MALRD1: variants seen among roughly 807,000 people sequenced by gnomAD.
MALRD1 encodes MAM and LDL receptor class A domain containing 1.
In MALRD1, 247 loss-of-function variants were observed where a neutral mutation model predicts 242.1. The observed-to-expected ratio is 1.02, with a 90% CI of 0.92 to 1.13. MALRD1 has a LOEUF of 1.13. MALRD1 is among the 50% of genes most tolerant of loss of function. The pLI is 0.00. For missense variants in MALRD1, 2,989 were observed against 2,533.1 expected, an observed-to-expected ratio of 1.18 and a Z score of -3.86; for synonymous variants, 995 against 866.6, an observed-to-expected ratio of 1.15 and a Z score of -2.60.
At chr10:19,420,808 A>C (rs938188261) in intron 28 of MALRD1, among the ~76,000 whole-genome samples, 3 of 152,330 alleles carry the variant, frequency 2.0e-5, no homozygotes, top group East Asian at 3.9e-4. Context: ...TAGCAACGTC[A>C]TCAGAGGCTC....
chr10:19,199,235 T>C (rs1159653432), intron 14 of MALRD1, among the ~76,000 whole-genome samples: 1 of 152,216 alleles, frequency 6.6e-6, no homozygotes, highest in Admixed American at 6.5e-5. Flanking sequence ...ATTATTATTG[T>C]ATGGTGTAAC....
At chr10:19,401,158 A>G (rs1223351830) in intron 28 of MALRD1, among the ~76,000 whole-genome samples, 3 of 152,212 alleles carry the variant, frequency 2.0e-5, no homozygotes, top group Non-Finnish European at 4.4e-5. Context: ...TAAGGATATG[A>G]TATTAATGAC....
chr10:19,538,961 C>A (rs1834807383), intron 32 of MALRD1, among the ~76,000 whole-genome samples: 1 of 152,022 alleles, frequency 6.6e-6, no homozygotes, highest in East Asian at 1.9e-4. Context: ...CAGTAAAACC[C>A]ATAGGATAAG....
At chr10:19,253,227 C>G (rs1839370456) in intron 18 of MALRD1, among the ~76,000 whole-genome samples, 1 of 151,740 alleles carries the variant, frequency 6.6e-6, no homozygotes, top group South Asian at 2.1e-4. Flanking sequence ...AAGTGGATAG[C>G]AACAGAAAAT....
At chr10:19,216,746 C>A (rs1422277907) in intron 18 of MALRD1, among the ~76,000 whole-genome samples, 1 of 151,298 alleles carries the variant, frequency 6.6e-6, no homozygotes, top group South Asian at 2.1e-4. Context: ...GAGATCGAGA[C>A]CATCCTGGCT....
At position 19,104,008 on chromosome 10, in the gene MALRD1, G is replaced by A. The variant is rs1489596565; in HGVS notation, c.627G>A (p.Thr209=). 1.6e-6 allele frequency: 2 copies of A among 1,233,740 alleles called. No individual in the cohort carries two copies. Among genetic ancestry groups the A allele is most frequent in the South Asian group, 4.1e-5 (1 of 24,416 alleles). The allele number at this position is 1,233,740 out of a possible 1,614,324, so 76.4% of individuals were successfully genotyped here. A position where few individuals can be genotyped will look rare whatever the true frequency, so the allele number is the denominator to read the frequency against. Residue 209 remains threonine, a synonymous_variant, in exon 5 of 40, where the codon ACG becomes ACA. Transcript: ENST00000454679. ...QVVFEGQMAS[T]YEQDEVIAID... ...TTTTTGAAGGTCAAATGGCTTCAAC[G>A]TATGAACAGGATGAAGTCATTGCTA...
chr10:19,296,542 G>T (rs1330433807), intron 21 of MALRD1, among the ~76,000 whole-genome samples: 1 of 151,966 alleles, frequency 6.6e-6, no homozygotes, highest in Non-Finnish European at 1.5e-5. Context: ...ATTTTCTGGA[G>T]GTTTTATCAA....
chr10:19,380,909 T>C (rs1164162779), intron 26 of MALRD1, among the ~76,000 whole-genome samples: 1 of 34,610 alleles, frequency 2.9e-5, no homozygotes, highest in Non-Finnish European at 6.2e-5. Context: ...TAGCAATTTC[T>C]TTTCTTTTTT....
intron 38 of MALRD1, among the ~76,000 whole-genome samples, chr10:19,727,277 G>A (rs1222262182): frequency 2.6e-5 from 4 of 152,210 alleles, no homozygotes; most frequent in Middle Eastern, 3.4e-3. Flanking sequence ...ACATAGATTG[G>A]TTTTTGTTTT....
At chr10:19,226,391 C>G (rs1837801825) in intron 18 of MALRD1, among the ~76,000 whole-genome samples, 1 of 152,042 alleles carries the variant, frequency 6.6e-6, no homozygotes, top group Non-Finnish European at 1.5e-5. Flanking sequence ...ATGGTGAAAG[C>G]CTTAATACTT....
intron 31 of MALRD1, among the ~76,000 whole-genome samples, chr10:19,522,707 T>G (rs1410587960): frequency 1.3e-5 from 2 of 152,176 alleles, no homozygotes; most frequent in East Asian, 3.8e-4. Flanking sequence ...ATTATTATTA[T>G]CCCCATTTGA....
intron 18 of MALRD1, among the ~76,000 whole-genome samples, chr10:19,245,703 C>T (rs1057474523): frequency 1.1e-4 from 16 of 152,238 alleles, no homozygotes; most frequent in Admixed American, 3.9e-4. Context: ...GTCTTCCCTA[C>T]AAACACCAAT....
At chr10:19,551,850 T>C (rs755883785) in intron 32 of MALRD1, among the ~76,000 whole-genome samples, 1 of 152,164 alleles carries the variant, frequency 6.6e-6, no homozygotes, top group Non-Finnish European at 1.5e-5. Flanking sequence ...GAGATAATCA[T>C]GTGGTTTTTG....
intron 28 of MALRD1, among the ~76,000 whole-genome samples, chr10:19,419,997 TG>T (rs1453734168): frequency 6.6e-6 from 1 of 152,188 alleles, no homozygotes; most frequent in Admixed American, 6.5e-5. Flanking sequence ...GCAAAATAAA[TG>T]GCACTGGAAT....
At chr10:19,105,021 T>C (rs1836414326) in intron 5 of MALRD1, among the ~76,000 whole-genome samples, 1 of 152,102 alleles carries the variant, frequency 6.6e-6, no homozygotes, top group Non-Finnish European at 1.5e-5. Flanking sequence ...CTTCTCTTTG[T>C]AGTAAGAACA....
At chr10:19,376,899 TAA>T (rs1412363222) in intron 26 of MALRD1, among the ~76,000 whole-genome samples, 2 of 152,114 alleles carry the variant, frequency 1.3e-5, no homozygotes, top group African/African-American at 4.8e-5. Flanking sequence ...CCCTCTTTTG[TAA>T]AAAGACTGTT....
intron 26 of MALRD1, among the ~76,000 whole-genome samples, chr10:19,378,676 G>T (rs777275001): frequency 5.9e-5 from 9 of 152,072 alleles, no homozygotes; most frequent in Non-Finnish European, 8.8e-5. Context: ...ACTCTGACAT[G>T]AACATGATCA....
At chr10:19,580,055 A>G (rs1178015979) in intron 33 of MALRD1, among the ~76,000 whole-genome samples, 2 of 152,200 alleles carry the variant, frequency 1.3e-5, no homozygotes, top group South Asian at 2.1e-4. Context: ...CCGTATGGAA[A>G]TGATTAAACA....
chr10:19,337,665 A>G (rs930303540), intron 24 of MALRD1, among the ~76,000 whole-genome samples: 5 of 152,156 alleles, frequency 3.3e-5, no homozygotes, highest in Admixed American at 2.6e-4. Flanking sequence ...CAAATATGCA[A>G]TTTACAAATA....
Sources: gnomAD v4.1 joint callset for allele counts (sites outside exome capture counted in the v4.1 genomes callset) on GRCh38, gnomAD v4.1.1 for gene constraint, MANE v1.5 for transcripts, NCBI Gene and HGNC (gene_info 2026-07-23, HGNC 2026-07-21) for gene names.